The following LRFN2 variants were observed in gnomAD, a reference collection of about 807,000 sequenced individuals.
The protein encoded by LRFN2 is leucine-rich repeat and fibronectin type-III domain-containing protein 2.
A neutral mutation model predicts 37.3 loss-of-function variants in LRFN2; 18 were observed. The ratio of observed to expected loss-of-function variants is 0.48; its 90% confidence interval spans 0.33 to 0.72. LRFN2 has a LOEUF of 0.72. LRFN2 is among the 30% of genes least tolerant of loss of function. LRFN2 has a pLI of 0.02. For missense variants in LRFN2, 1,006 were observed against 1,060.7 expected, an observed-to-expected ratio of 0.95 and a Z score of 0.72; for synonymous variants, 556 against 466.6, an observed-to-expected ratio of 1.19 and a Z score of -2.47.
chr6:40,552,448 A>G (rs1015935171), intron 1 of LRFN2, among the ~76,000 whole-genome samples: 13 of 152,228 alleles, frequency 8.5e-5, no homozygotes, highest in African/African-American at 3.1e-4. Context: ...CTATGTTAAA[A>G]TATTGTTTTA....
At chr6:40,462,779 G>A (rs1764374244) in intron 1 of LRFN2, among the ~76,000 whole-genome samples, 1 of 152,168 alleles carries the variant, frequency 6.6e-6, no homozygotes, top group Non-Finnish European at 1.5e-5. Context: ...ACAAAGAGTG[G>A]AAGCCAGGTC....
intron 2 of LRFN2, among the ~76,000 whole-genome samples, chr6:40,396,561 C>G (rs556860326): frequency 6.6e-6 from 1 of 152,110 alleles, no homozygotes; most frequent in African/African-American, 2.4e-5. Context: ...CCACTGGAAC[C>G]GGGATGAAAG....
In LRFN2 at chr6:40,410,646, C is replaced by T. The variant is rs562823889; in HGVS notation, c.1401-17734G>A. On this transcript the variant is annotated intron_variant, in intron 2 of 2. Coordinates refer to ENST00000338305, the MANE Select transcript of LRFN2 (RefSeq NM_020737.3). ...TATATATATAGTGAATGCTTACATACTTTATTATTGTCTATCTTCTATTTA... is the reference window on the plus strand; with the variant it reads ...TATATATATAGTGAATGCTTACATATTTTATTATTGTCTATCTTCTATTTA... Among the ~76,000 whole-genome samples the T allele has an allele frequency of 1.8e-3, 270 of 152,288 alleles. 2 individuals are homozygous for T. The highest frequency in any genetic ancestry group is 4.1e-3 in the Admixed American group (62 of 15,284).
chr6:40,520,877 C>T lies in LRFN2; in HGVS notation c.-19+66064G>A, dbSNP rs184654379. ...CACCACCGAGCACCCTCAGAGGGGC[C>T]GCGCCCAGCAGCCAGGAGCAGGGTG... On this transcript the variant is annotated intron_variant, in intron 1 of 2. Transcript: ENST00000338305. 1.3e-3 allele frequency among the ~76,000 whole-genome samples: 201 copies of T among 152,210 alleles called. 2 individuals carry two copies. The highest frequency in any genetic ancestry group is 4.2e-3 in the African/African-American group (176 of 41,542).
chr6:40,430,802 G>A (rs898665351), intron 2 of LRFN2, among the ~76,000 whole-genome samples: 1 of 152,166 alleles, frequency 6.6e-6, no homozygotes, highest in Admixed American at 6.5e-5. Flanking sequence ...GATGCTACCT[G>A]TAAGACCCAG....
intron 1 of LRFN2, among the ~76,000 whole-genome samples, chr6:40,517,916 T>C (rs1765931129): frequency 6.6e-6 from 1 of 151,878 alleles, no homozygotes; most frequent in Non-Finnish European, 1.5e-5. Flanking sequence ...TAAGAGGGGG[T>C]CCAAGGGCAG....
At chr6:40,571,097 G>C (rs1767178657) in intron 1 of LRFN2, among the ~76,000 whole-genome samples, 1 of 152,178 alleles carries the variant, frequency 6.6e-6, no homozygotes, top group Non-Finnish European at 1.5e-5. Flanking sequence ...AGCACTGCAG[G>C]CTCCTGCCTC....
At chr6:40,521,520 C>T (rs958172191) in intron 1 of LRFN2, among the ~76,000 whole-genome samples, 5 of 152,264 alleles carry the variant, frequency 3.3e-5, no homozygotes, top group Admixed American at 2.6e-4. Context: ...AGGCACATTT[C>T]TGTATGTTGG....
chr6:40,505,851 G>A (rs1283073788), intron 1 of LRFN2, among the ~76,000 whole-genome samples: 1 of 152,216 alleles, frequency 6.6e-6, no homozygotes, highest in Non-Finnish European at 1.5e-5. Flanking sequence ...CAGCTTGGCT[G>A]GCTTAGCCAG....
At chr6:40,529,303 G>A (rs1364480999) in intron 1 of LRFN2, among the ~76,000 whole-genome samples, 1 of 152,084 alleles carries the variant, frequency 6.6e-6, no homozygotes, top group Non-Finnish European at 1.5e-5. Context: ...TGACAGAAAC[G>A]GAATTTCCCA....
intron 1 of LRFN2, among the ~76,000 whole-genome samples, chr6:40,500,974 C>T (rs1409616065): frequency 6.8e-6 from 1 of 146,394 alleles, no homozygotes; most frequent in Non-Finnish European, 1.5e-5. Context: ...TTGCATTGAG[C>T]ATATATTACT....
At chr6:40,462,253 G>A (rs763157340) in intron 1 of LRFN2, among the ~76,000 whole-genome samples, 1 of 152,162 alleles carries the variant, frequency 6.6e-6, no homozygotes, top group Non-Finnish European at 1.5e-5. Context: ...CAGAAGCATG[G>A]GTGAGCTCAG....
chr6:40,464,963 A>C (rs1056098648), intron 1 of LRFN2, among the ~76,000 whole-genome samples: 1 of 152,210 alleles, frequency 6.6e-6, no homozygotes, highest in Non-Finnish European at 1.5e-5. Flanking sequence ...CATGACAATA[A>C]GGAATTAAGG....
Position 40,494,084 on chromosome 6 carries a change from T to C in LRFN2, c.-18-60953A>G, listed in dbSNP as rs375473062. Among the ~76,000 whole-genome samples, 22 of 152,268 alleles carry C rather than the reference T, an allele frequency of 1.4e-4. No homozygotes were observed. In the East Asian group the frequency reaches 4.3e-3, roughly 29 times the overall value. On this transcript the variant is annotated intron_variant, in intron 1 of 2. Coordinates refer to ENST00000338305, the MANE Select transcript of LRFN2 (RefSeq NM_020737.3). ...TCAGTCCTATGTTTACAACACAAAG[T>C]AGAGTGTTAGGAATCTTAGGGAAAA...
intron 2 of LRFN2, among the ~76,000 whole-genome samples, chr6:40,429,962 T>C (rs890294043): frequency 6.6e-6 from 1 of 152,204 alleles, no homozygotes; most frequent in African/African-American, 2.4e-5. Flanking sequence ...CTTCCAAATT[T>C]CTCTTATTAA....
intron 1 of LRFN2, among the ~76,000 whole-genome samples, chr6:40,533,417 G>A (rs1766388402): frequency 7.5e-6 from 1 of 133,028 alleles, no homozygotes; most frequent in African/African-American, 3.3e-5. Flanking sequence ...ACACACACTT[G>A]AAAGAGAGAG....
At chr6:40,526,833 T>C (rs1561896138) in intron 1 of LRFN2, among the ~76,000 whole-genome samples, 1 of 152,178 alleles carries the variant, frequency 6.6e-6, no homozygotes, top group Non-Finnish European at 1.5e-5. Flanking sequence ...TCTGGGGAAG[T>C]GAAGCCAAGC....
chr6:40,407,947 T>C lies in LRFN2; in HGVS notation c.1401-15035A>G, dbSNP rs115239698. 4.8e-3 allele frequency: 733 copies of C among 152,434 alleles called. 8 individuals carry two copies. The highest frequency in any genetic ancestry group is 0.028 in the South Asian group (133 of 4,832). The allele number at this position is 152,434 out of a possible 1,614,324, so 9.4% of individuals were successfully genotyped here. On this transcript the variant is annotated intron_variant, in intron 2 of 2. Transcript: ENST00000338305. ...ATGACAGCAAATTTGTGAAGCATTT[T>C]ATATGAAATTCTGGTACATGCTACA...
At chr6:40,511,543 C>T (rs1466197872) in intron 1 of LRFN2, among the ~76,000 whole-genome samples, 42 of 152,200 alleles carry the variant, frequency 2.8e-4, no homozygotes, top group Admixed American at 2.7e-3. Context: ...CCAGGCCACC[C>T]AGCTCTGGAG....
Sources: allele counts gnomAD v4.1 joint callset (sites outside exome capture counted in the v4.1 genomes callset), GRCh38; gene constraint gnomAD v4.1.1; transcripts MANE v1.5; gene names NCBI Gene and HGNC (gene_info 2026-07-23, HGNC 2026-07-21).